Variants in ATG4B observed in about 807,000 individuals in gnomAD.
ATG4B encodes autophagy related 4B cysteine peptidase, also known as cysteine protease ATG4B.
A neutral mutation model predicts 56.6 loss-of-function variants in ATG4B; 29 were observed. The ratio of observed to expected loss-of-function variants is 0.51; its 90% CI spans 0.38 to 0.70. The LOEUF is 0.70. Ranked by LOEUF, ATG4B falls within the 30% of genes least tolerant of loss-of-function variation. The probability of loss-of-function intolerance (pLI) is 0.00; values close to 1 mark genes in which losing one functional copy is unlikely to be tolerated. For missense variants in ATG4B, 461 were observed against 515.5 expected, an observed-to-expected ratio of 0.89 and a Z score of 1.02; for synonymous variants, 224 against 206.1, an observed-to-expected ratio of 1.09 and a Z score of -0.74.
chr2:241,645,951 G>T (rs568541030), intron 1 of ATG4B, among the ~76,000 whole-genome samples: 1 of 152,140 alleles, frequency 6.6e-6, no homozygotes, highest in South Asian at 2.1e-4. Context: ...CACGTTCGCC[G>T]TGGCTGCGCC....
chr2:241,664,111 C>T (rs1010204786), intron 7 of ATG4B, among the ~76,000 whole-genome samples: 1 of 151,960 alleles, frequency 6.6e-6, no homozygotes, highest in Non-Finnish European at 1.5e-5. Context: ...AGCCACCGTG[C>T]CTGGACCTCA....
In ATG4B at chr2:241,672,583, CCG is replaced by C. The variant is rs2125153097; in HGVS notation, c.*320_*321del. ...CCTCAGTCCCACTTGCTCCCAGGCG[CCG>C]GTTCTGTGGTTGGTTTGGAATTAAA... On this transcript the variant is annotated 3_prime_UTR_variant, in exon 13 of 13. Coordinates refer to ENST00000404914, the MANE Select transcript of ATG4B (RefSeq NM_013325.5). 2.6e-6 allele frequency: 1 copy of C among 381,356 alleles called. No homozygotes were observed. The highest frequency in any genetic ancestry group is 4.3e-5 in the Admixed American group (1 of 23,446). The allele number at this position is 381,356 out of a possible 1,614,324, so 23.6% of individuals were successfully genotyped here. A position where few individuals can be genotyped will look rare whatever the true frequency, so the allele number is the denominator to read the frequency against.
intron 1 of ATG4B, among the ~76,000 whole-genome samples, chr2:241,637,998 G>T (rs1016129188): frequency 9.2e-5 from 14 of 151,670 alleles, no homozygotes; most frequent in Non-Finnish European, 1.6e-4. Context: ...CGCTCCGGAG[G>T]TTGTGGCTGC....
At chr2:241,661,429 G>C (rs1426747548) in intron 7 of ATG4B, among the ~76,000 whole-genome samples, 3 of 152,156 alleles carry the variant, frequency 2.0e-5, no homozygotes, top group Non-Finnish European at 4.4e-5. Context: ...GGGAGTAGTG[G>C]GGGGAGGGCA....
At chr2:241,643,697 C>A (rs1183894452) in intron 1 of ATG4B, among the ~76,000 whole-genome samples, 1 of 80,692 alleles carries the variant, frequency 1.2e-5, no homozygotes, top group Non-Finnish European at 2.4e-5. Context: ...TATATTTTCC[C>A]CCCCCCCCGT....
intron 1 of ATG4B, among the ~76,000 whole-genome samples, chr2:241,647,996 C>T (rs560887200): frequency 2.1e-4 from 32 of 152,246 alleles, no homozygotes; most frequent in Admixed American, 1.9e-3. Context: ...TGTCTGTAAT[C>T]CCAGCTACTC....
Position 241,666,832 on chromosome 2 carries a change from G to C in ATG4B, c.726G>C (p.Thr242=). The stretch of plus-strand genomic sequence containing the variant: ...ACATCAACGAGGCCTACGTGGAGAC[G>C]CTGAAGGTGGGTCCTGCCGTGCGGC... ...LTDINEAYVE[T]LKHCFMMPQS... Residue 242 remains threonine (T), a synonymous_variant, in exon 8 of 13, where the codon ACG becomes ACC. Transcript: ENST00000404914. 1 of 1,559,892 alleles carries C rather than the reference G, an allele frequency of 6.4e-7. No individual in the cohort carries two copies. Among genetic ancestry groups the C allele is most frequent in the Non-Finnish European group, 8.7e-7 (1 of 1,152,840 alleles).
chr2:241,654,301 G>A (rs1038379015), intron 4 of ATG4B, among the ~76,000 whole-genome samples: 16 of 151,682 alleles, frequency 1.1e-4, no homozygotes, highest in South Asian at 1.0e-3. Context: ...TGTGCCTGTA[G>A]TCCCAGCTAC....
At chr2:241,639,654 AGGGTGGTCTTCCACCCAAAGTC>A (rs1464808770) in intron 1 of ATG4B, among the ~76,000 whole-genome samples, 14 of 152,180 alleles carry the variant, frequency 9.2e-5, no homozygotes, top group Admixed American at 4.6e-4. Flanking sequence ...AGGGGACTCA[AGGGTGGTCTTCCACCCAAAGTC>A]GGGTGGTCTC....
chr2:241,638,342 G>C (rs1258094486), intron 1 of ATG4B: 2 of 151,990 alleles, frequency 1.3e-5, no homozygotes, highest in Non-Finnish European at 2.9e-5. Context: ...TAGTTTCTTG[G>C]GGTCCTAAGA....
At chr2:241,652,260 T>C (rs1158338949) in intron 3 of ATG4B, among the ~76,000 whole-genome samples, 1 of 152,260 alleles carries the variant, frequency 6.6e-6, no homozygotes, top group Non-Finnish European at 1.5e-5. Flanking sequence ...ATTCCACAGT[T>C]TCCGCTTGTT....
In ATG4B at chr2:241,651,790, T is replaced by C; in HGVS notation, c.184+455T>C. On this transcript the variant is annotated intron_variant, in intron 3 of 12. Transcript: ENST00000404914. The surrounding 1 kb of genome is among the most constrained non-coding windows in gnomAD (Gnocchi z 4.1). ...CCATTCTCTGTAGCCCTCATCTTTTTTAGTATTTTCCACACTTAACCTGTG... is the reference window on the plus strand; with the variant it reads ...CCATTCTCTGTAGCCCTCATCTTTTCTAGTATTTTCCACACTTAACCTGTG... 1.2e-6 allele frequency: 1 copy of C among 827,950 alleles called. No homozygotes were observed. Among genetic ancestry groups the C allele is most frequent in the South Asian group, 1.5e-5 (1 of 67,186 alleles). 51.3% of individuals were successfully genotyped at this position (827,950 alleles called of 1,614,324 possible).
chr2:241,648,546 G>A (rs2068130862), intron 1 of ATG4B, among the ~76,000 whole-genome samples: 1 of 149,246 alleles, frequency 6.7e-6, no homozygotes, highest in Non-Finnish European at 1.5e-5. Flanking sequence ...AGTAAGCTGT[G>A]ATTACACCAC....
chr2:241,654,416 GT>G, intron 4 of ATG4B, 129 bp from the exon 5 acceptor site: 6 of 577,392 alleles, frequency 1.0e-5, no homozygotes, highest in Non-Finnish European at 1.7e-5. Context: ...GCGAGACTCT[GT>G]TTAAAAAAAA....
intron 1 of ATG4B, among the ~76,000 whole-genome samples, chr2:241,638,659 T>C (rs924238149): frequency 6.6e-6 from 1 of 152,224 alleles, no homozygotes; most frequent in African/African-American, 2.4e-5. Flanking sequence ...ACAACATAAA[T>C]TTATTAAGAT....
rs2069057025 is a variant in ATG4B at position 241,673,845 on chromosome 2, A to C, written c.*1581A>C. The C allele has an allele frequency of 2.4e-6, 1 of 417,558 alleles. No individual in the cohort carries two copies. Among genetic ancestry groups the C allele is most frequent in the East Asian group, 7.2e-5 (1 of 13,830 alleles). 25.9% of individuals were successfully genotyped at this position (417,558 alleles called of 1,614,324 possible). A position where few individuals can be genotyped will look rare whatever the true frequency, so the allele number is the denominator to read the frequency against. On this transcript the variant is annotated 3_prime_UTR_variant, in exon 13 of 13. Transcript: ENST00000404914. ...TTCTTAATGGCAAATAATAAGTTTCAGTAGAAAACAAACCTTGTGTCTATT... is the reference window on the plus strand; with the variant it reads ...TTCTTAATGGCAAATAATAAGTTTCCGTAGAAAACAAACCTTGTGTCTATT...
At chr2:241,653,376 G>T in intron 3 of ATG4B, 136 bp from the exon 4 acceptor site, 2 of 1,550,688 alleles carry the variant, frequency 1.3e-6, no homozygotes, top group Non-Finnish European at 1.7e-6. Flanking sequence ...AGAGGTGTGT[G>T]TTGCCCCAGG....
In ATG4B at chr2:241,673,180, A is replaced by G. The variant is rs1042915582; in HGVS notation, c.*916A>G. Reference sequence around the variant, plus strand: ...TGAGGTGTTAGGTGGTTTAGGGCCAAAAGGGGAAAACCACTTGAGTCTTGT... The same window carrying G: ...TGAGGTGTTAGGTGGTTTAGGGCCAGAAGGGGAAAACCACTTGAGTCTTGT... On this transcript the variant is annotated 3_prime_UTR_variant, in exon 13 of 13. Coordinates refer to ENST00000404914, the MANE Select transcript of ATG4B (RefSeq NM_013325.5). 3.1e-5 allele frequency: 7 copies of G among 223,592 alleles called. No individual in the cohort carries two copies. The Admixed American group carries it at 3.5e-4, about 11-fold the overall frequency. 13.9% of individuals were successfully genotyped at this position (223,592 alleles called of 1,614,324 possible).
intron 1 of ATG4B, among the ~76,000 whole-genome samples, chr2:241,649,334 G>A (rs1330311945): frequency 6.6e-6 from 1 of 152,234 alleles, no homozygotes; most frequent in African/African-American, 2.4e-5. Context: ...GCTGGGCAAC[G>A]AGGCTTCACG....
Sources: gnomAD v4.1 joint callset for allele counts (sites outside exome capture counted in the v4.1 genomes callset) on GRCh38, gnomAD v4.1.1 for gene constraint, Gnocchi (gnomAD v3.1) non-coding constraint, MANE v1.5 for transcripts, NCBI Gene and HGNC (gene_info 2026-07-23, HGNC 2026-07-21) for gene names.